The following ZBTB8A variants were observed in gnomAD, a reference collection of about 807,000 sequenced individuals.
The protein encoded by ZBTB8A is zinc finger and BTB domain containing 8A, also known as zinc finger and BTB domain-containing protein 8A.
A neutral mutation model predicts 37.8 loss-of-function variants in ZBTB8A; 19 were observed. That is an observed-to-expected ratio of 0.50 (90% CI 0.35 to 0.74). The LOEUF (loss-of-function observed/expected upper bound fraction) is 0.74, where lower values mean the gene tolerates loss of function less well. Ranked by LOEUF, ZBTB8A falls within the 30% of genes least tolerant of loss-of-function variation. The pLI is 0.01. For missense variants in ZBTB8A, 394 were observed against 537.8 expected, an observed-to-expected ratio of 0.73 and a Z score of 2.65; for synonymous variants, 181 against 185.2, an observed-to-expected ratio of 0.98 and a Z score of 0.19.
chr1:32,596,907 A>G (rs889822712), intron 4 of ZBTB8A, among the ~76,000 whole-genome samples: 2 of 152,170 alleles, frequency 1.3e-5, no homozygotes, highest in Non-Finnish European at 2.9e-5. Context: ...ACCACTGTAG[A>G]TACTCAGCAT....
chr1:32,580,550 GAAA>G (rs112268131), intron 2 of ZBTB8A, among the ~76,000 whole-genome samples: 1 of 136,876 alleles, frequency 7.3e-6, no homozygotes, highest in Non-Finnish European at 1.6e-5. Flanking sequence ...GATTCTGTCT[GAAA>G]AAAAAAAAAA....
At chr1:32,562,600 G>A (rs1013398117) in intron 2 of ZBTB8A, among the ~76,000 whole-genome samples, 6 of 121,250 alleles carry the variant, frequency 4.9e-5, no homozygotes, top group African/African-American at 1.9e-4. Flanking sequence ...TTGATGAGAC[G>A]AGTCTTCGCT....
chr1:32,579,844 T>C (rs1644390364), intron 2 of ZBTB8A, among the ~76,000 whole-genome samples: 1 of 152,204 alleles, frequency 6.6e-6, no homozygotes, highest in Non-Finnish European at 1.5e-5. Context: ...TACCAGTTAC[T>C]CCAACATGTG....
At position 32,605,802 on chromosome 1, in the gene ZBTB8A, A is replaced by C. The variant is rs1310628615; in HGVS notation, c.*5383A>C. On this transcript the variant is annotated 3_prime_UTR_variant, in exon 5 of 5. Coordinates refer to ENST00000373510, the MANE Select transcript of ZBTB8A (RefSeq NM_001040441.3). ...AATGATCACATTTTCTGAATCCTAG[A>C]CCATCAGCCTAATTCACTGAGGTGT... 1.3e-5 allele frequency: 2 copies of C among 151,844 alleles called. No individual in the cohort carries two copies. Among genetic ancestry groups the C allele is most frequent in the African/African-American group, 4.8e-5 (2 of 41,268 alleles). The allele number at this position is 151,844 out of a possible 1,614,324, so 9.4% of individuals were successfully genotyped here. A position where few individuals can be genotyped will look rare whatever the true frequency, so the allele number is the denominator to read the frequency against.
intron 2 of ZBTB8A, among the ~76,000 whole-genome samples, chr1:32,592,289 AT>A (rs1360823336): frequency 6.6e-6 from 1 of 152,018 alleles, no homozygotes; most frequent in East Asian, 1.9e-4. Context: ...AGGATTGTTC[AT>A]TTTGGGAGGC....
chr1:32,597,908 A>AT (rs764920094), intron 4 of ZBTB8A, among the ~76,000 whole-genome samples: 3,444 of 137,096 alleles, frequency 0.025, 58 homozygotes, highest in South Asian at 0.07. Context: ...TATCCGGCTA[A>AT]TTTTTTTTTT....
intron 2 of ZBTB8A, among the ~76,000 whole-genome samples, chr1:32,555,419 A>G (rs893483985): frequency 3.9e-5 from 6 of 152,072 alleles, no homozygotes; most frequent in South Asian, 2.1e-4. Context: ...CATCTCCCCA[A>G]TAGGTTGCAT....
At chr1:32,558,438 A>AACACACACACACACACACACAC (rs35047367) in intron 2 of ZBTB8A, among the ~76,000 whole-genome samples, 3 of 145,672 alleles carry the variant, frequency 2.1e-5, no homozygotes, top group African/African-American at 7.6e-5. Flanking sequence ...CTAAGTATTA[A>AACACACACACACACACACACAC]ACACACACAC....
intron 1 of ZBTB8A, among the ~76,000 whole-genome samples, chr1:32,547,848 A>AG (rs1644118980): frequency 6.8e-6 from 1 of 148,130 alleles, no homozygotes; most frequent in South Asian, 2.1e-4. Flanking sequence ...AAAAAAAAAA[A>AG]AAAGACCAGG....
rs566566638 is a variant in ZBTB8A at position 32,583,746 on chromosome 1, T to C, written c.-1-9185T>C. 3.9e-4 allele frequency among the ~76,000 whole-genome samples: 59 copies of C among 152,112 alleles called. 1 individual carries two copies. The highest frequency in any genetic ancestry group is 1.4e-3 in the African/African-American group (59 of 41,496). ...GTGAAGATGTGAGGAGAGAATACTT[T>C]GGGTTTTTTGTTTTTGAAATGGAGT... On this transcript the variant is annotated intron_variant, in intron 2 of 4. Transcript: ENST00000373510.
chr1:32,570,980 A>G (rs572172298), intron 2 of ZBTB8A, among the ~76,000 whole-genome samples: 5 of 151,920 alleles, frequency 3.3e-5, no homozygotes, highest in African/African-American at 1.2e-4. Context: ...AGTTCAAGCA[A>G]TTCTCCTGCC....
chr1:32,547,930 G>A (rs1287348367), intron 1 of ZBTB8A, among the ~76,000 whole-genome samples: 2 of 149,800 alleles, frequency 1.3e-5, no homozygotes, highest in African/African-American at 2.5e-5. Context: ...TCAGGAGTTC[G>A]AGACCAGCCT....
intron 2 of ZBTB8A, among the ~76,000 whole-genome samples, chr1:32,577,636 G>T (rs1234754209): frequency 3.8e-5 from 5 of 129,978 alleles, no homozygotes; most frequent in Non-Finnish European, 7.8e-5. Flanking sequence ...CTGTCACCCA[G>T]GCTGGCACGA....
intron 2 of ZBTB8A, among the ~76,000 whole-genome samples, chr1:32,571,400 T>C (rs1391459174): frequency 2.0e-5 from 3 of 152,208 alleles, no homozygotes; most frequent in Non-Finnish European, 4.4e-5. Context: ...GAGTTTTTAT[T>C]ATGAATAAGT....
chr1:32,582,936 T>C (rs1256588930), intron 2 of ZBTB8A, among the ~76,000 whole-genome samples: 1 of 152,192 alleles, frequency 6.6e-6, no homozygotes, highest in Non-Finnish European at 1.5e-5. Context: ...AGCCCATTAC[T>C]AGTAGAACCT....
chr1:32,592,381 A>G (rs1282778079), intron 2 of ZBTB8A, among the ~76,000 whole-genome samples: 6 of 147,466 alleles, frequency 4.1e-5, no homozygotes, highest in Non-Finnish European at 9.0e-5. Flanking sequence ...TTAAAAACAA[A>G]AAAACAAAAA....
At chr1:32,548,309 T>C (rs1016146345) in intron 1 of ZBTB8A, among the ~76,000 whole-genome samples, 1 of 152,012 alleles carries the variant, frequency 6.6e-6, no homozygotes, top group African/African-American at 2.4e-5. Context: ...AACATTTTTT[T>C]TTTCTGTATC....
intron 2 of ZBTB8A, among the ~76,000 whole-genome samples, chr1:32,570,693 C>T (rs1307437310): frequency 6.6e-6 from 1 of 152,004 alleles, no homozygotes; most frequent in South Asian, 2.1e-4. Flanking sequence ...TTTTATTTTC[C>T]AACTGTTCAT....
chr1:32,595,300 C>T, intron 4 of ZBTB8A, 77 bp downstream of exon 4: 1 of 1,446,408 alleles, frequency 6.9e-7, no homozygotes, highest in Non-Finnish European at 9.6e-7. Flanking sequence ...TGGAGTTTCA[C>T]TCTTGTTGCC....
Sources: allele counts gnomAD v4.1 joint callset (sites outside exome capture counted in the v4.1 genomes callset), GRCh38; gene constraint gnomAD v4.1.1; transcripts MANE v1.5; gene names NCBI Gene and HGNC (gene_info 2026-07-23, HGNC 2026-07-21).